Variants in PIGK observed in about 807,000 individuals in gnomAD.
PIGK encodes the protein phosphatidylinositol glycan anchor biosynthesis class K.
Under a neutral mutation model 50.6 loss-of-function variants are expected in PIGK, and 42 were observed. The observed-to-expected ratio is 0.83, with a 90% confidence interval of 0.65 to 1.07. The LOEUF is 1.07. Ranked by LOEUF, PIGK falls within the 50% of genes least tolerant of loss-of-function variation. PIGK has a pLI of 0.00. For missense variants in PIGK, 448 were observed against 488.7 expected (o/e 0.92, Z 0.78); for synonymous variants, 151 against 156.0 (o/e 0.97, Z 0.24).
chr1:77,193,320 G>A (rs1655955779), intron 3 of PIGK, among the ~76,000 whole-genome samples: 1 of 150,392 alleles, frequency 6.6e-6, no homozygotes, highest in Non-Finnish European at 1.5e-5. Context: ...TGACAACTCA[G>A]GTAGGAGGAA....
chr1:77,137,814 G>A (rs1242941755), intron 9 of PIGK, among the ~76,000 whole-genome samples: 1 of 152,170 alleles, frequency 6.6e-6, no homozygotes, highest in Admixed American at 6.5e-5. Flanking sequence ...ATGTTGGCCA[G>A]GCTGGTCGTG....
chr1:77,190,187 A>C (rs999132565), intron 3 of PIGK, among the ~76,000 whole-genome samples: 1 of 152,006 alleles, frequency 6.6e-6, no homozygotes, highest in African/African-American at 2.4e-5. Flanking sequence ...CAGGAGTTCA[A>C]GACCAGCCTG....
intron 3 of PIGK, among the ~76,000 whole-genome samples, chr1:77,183,608 G>A (rs983315623): frequency 1.3e-5 from 2 of 152,160 alleles, no homozygotes; most frequent in Non-Finnish European, 2.9e-5. Flanking sequence ...CATGGGAATG[G>A]ATATTAAGGG....
rs1413962114 is a variant in PIGK, at chr1:77,166,346, A to C, written c.487+373T>G. Among the ~76,000 whole-genome samples, 7 of 152,272 alleles carry C rather than the reference A, an allele frequency of 4.6e-5. No homozygotes were observed. The East Asian group carries it at 1.4e-3, about 29-fold the overall frequency. On this transcript the variant is annotated intron_variant, in intron 5 of 10. Coordinates refer to ENST00000370812, the MANE Select transcript of PIGK (RefSeq NM_005482.3). ...GTTGGTAATCTTCATGTACAGCAAA[A>C]TTTGAGATGGAAAACCATTATAAAG...
intron 3 of PIGK, chr1:77,194,933 C>T: frequency 3.7e-6 from 2 of 542,808 alleles, no homozygotes; most frequent in Non-Finnish European, 7.2e-6. Context: ...AGTCATGGAA[C>T]TGAAAAAGCA....
intron 9 of PIGK, among the ~76,000 whole-genome samples, chr1:77,133,447 C>T (rs1047112901): frequency 3.3e-5 from 5 of 152,066 alleles, no homozygotes; most frequent in African/African-American, 1.2e-4. Flanking sequence ...AAGTTTTTGT[C>T]TACTACCTCC....
At chr1:77,106,931 G>A (rs1256826407) in intron 10 of PIGK, among the ~76,000 whole-genome samples, 1 of 152,106 alleles carries the variant, frequency 6.6e-6, no homozygotes, top group East Asian at 1.9e-4. Context: ...GATCAGTGGT[G>A]ATATCCCCTT....
intron 8 of PIGK, among the ~76,000 whole-genome samples, chr1:77,158,567 A>G (rs902181051): frequency 2.6e-5 from 4 of 152,170 alleles, no homozygotes; most frequent in Non-Finnish European, 4.4e-5. Context: ...GGTTTTAACC[A>G]AAAAGTCCAG....
chr1:77,201,732 C>G (rs1051666282), intron 3 of PIGK, among the ~76,000 whole-genome samples: 2 of 151,838 alleles, frequency 1.3e-5, no homozygotes, highest in African/African-American at 4.8e-5. Flanking sequence ...CAGAGCAAGG[C>G]TCTGTCTCAA....
At chr1:77,112,497 A>G (rs1178617385) in intron 10 of PIGK, among the ~76,000 whole-genome samples, 5 of 152,124 alleles carry the variant, frequency 3.3e-5, no homozygotes, top group Admixed American at 6.6e-5. Flanking sequence ...TGATGTTAAG[A>G]TAGGCATATA....
intron 1 of PIGK, among the ~76,000 whole-genome samples, chr1:77,214,802 G>A (rs1047159809): frequency 2.0e-5 from 3 of 152,196 alleles, no homozygotes; most frequent in Non-Finnish European, 4.4e-5. Context: ...ATTCAGTAAA[G>A]TTGCAAGACT....
chr1:77,190,895 C>T (rs1288235538), intron 3 of PIGK, among the ~76,000 whole-genome samples: 2 of 152,152 alleles, frequency 1.3e-5, no homozygotes, highest in Non-Finnish European at 2.9e-5. Context: ...TTCACCTCTA[C>T]CTTCAAATAT....
chr1:77,189,578 C>A (rs1456366185), intron 3 of PIGK, among the ~76,000 whole-genome samples: 1 of 151,656 alleles, frequency 6.6e-6, no homozygotes, highest in South Asian at 2.1e-4. Context: ...ATGCTTTCTG[C>A]CCTCAAACAT....
chr1:77,144,616 A>G (rs1185071830), intron 9 of PIGK, among the ~76,000 whole-genome samples: 1 of 151,896 alleles, frequency 6.6e-6, no homozygotes, highest in Non-Finnish European at 1.5e-5. Flanking sequence ...TACTATTTAT[A>G]TATACTGATT....
intron 10 of PIGK, among the ~76,000 whole-genome samples, chr1:77,111,428 T>TA (rs1301621782): frequency 2.0e-5 from 3 of 152,064 alleles, no homozygotes; most frequent in African/African-American, 7.2e-5. Flanking sequence ...TATGCAGCCA[T>TA]AAAAAATGAT....
chr1:77,206,577 TAAC>T, intron 3 of PIGK, 60 bp downstream of exon 3: 1 of 881,194 alleles, frequency 1.1e-6, no homozygotes. Flanking sequence ...ACAAATATAA[TAAC>T]AATTATCTAA....
intron 9 of PIGK, among the ~76,000 whole-genome samples, chr1:77,147,877 AT>A (rs1441466186): frequency 1.3e-5 from 2 of 152,222 alleles, no homozygotes; most frequent in Non-Finnish European, 2.9e-5. Context: ...CTTACTTAAC[AT>A]ATGTAAGTTT....
chr1:77,166,328 A>G (rs1474710853), intron 5 of PIGK, among the ~76,000 whole-genome samples: 1 of 152,140 alleles, frequency 6.6e-6, no homozygotes, highest in African/African-American at 2.4e-5. Context: ...ACAGTTGGTA[A>G]TCTTCATGTA....
chr1:77,144,198 C>G (rs960805456), intron 9 of PIGK, among the ~76,000 whole-genome samples: 1 of 151,868 alleles, frequency 6.6e-6, no homozygotes, highest in Non-Finnish European at 1.5e-5. Flanking sequence ...TCTGTTAACT[C>G]ATTTAGAATG....
Sources: allele counts gnomAD v4.1 joint callset (sites outside exome capture counted in the v4.1 genomes callset), GRCh38; gene constraint gnomAD v4.1.1; transcripts MANE v1.5; gene names NCBI Gene and HGNC (gene_info 2026-07-23, HGNC 2026-07-21).